PDE10A: variants seen among roughly 807,000 people sequenced by gnomAD.
The protein encoded by PDE10A is cAMP and cAMP-inhibited cGMP 3',5'-cyclic phosphodiesterase 10A.
A neutral mutation model predicts 97.7 loss-of-function variants in PDE10A; 39 were observed. The observed-to-expected ratio is 0.40, with a 90% CI of 0.31 to 0.52. The LOEUF (loss-of-function observed/expected upper bound fraction) is 0.52, where lower values mean the gene tolerates loss of function less well. PDE10A is among the 20% of genes least tolerant of loss of function. The probability of loss-of-function intolerance (pLI) is 0.56; values close to 1 mark genes in which losing one functional copy is unlikely to be tolerated. For missense variants in PDE10A, 731 were observed against 1,047.8 expected (o/e 0.70, Z 4.17); for synonymous variants, 371 against 376.8 (o/e 0.98, Z 0.18).
intron 1 of PDE10A, among the ~76,000 whole-genome samples, chr6:165,619,394 G>A (rs867850222): frequency 2.5e-4 from 9 of 36,468 alleles, no homozygotes; most frequent in South Asian, 7.8e-4. Context: ...CTAGTATAGT[G>A]TAGTGTAGTG....
intron 1 of PDE10A, among the ~76,000 whole-genome samples, chr6:165,848,016 T>G (rs1016667189): frequency 5.3e-5 from 8 of 152,004 alleles, no homozygotes; most frequent in Admixed American, 2.0e-4. Context: ...TCTGTTTATT[T>G]ATCCCATGGC....
At chr6:165,394,571 G>T (rs1562418136) in intron 15 of PDE10A, among the ~76,000 whole-genome samples, 1 of 152,160 alleles carries the variant, frequency 6.6e-6, no homozygotes, top group East Asian at 1.9e-4. Context: ...ATAATCCTTT[G>T]GGTATATACC....
At position 165,819,227 on chromosome 6, in the gene PDE10A, G is replaced by T. The variant is rs1779499582; in HGVS notation, c.-615+168302C>A. On this transcript the variant is annotated intron_variant, in intron 1 of 19. Transcript: ENST00000366882. This position sits in a 1 kb window ranked among gnomAD's most constrained non-coding sequence, Gnocchi z 4.2. Reference sequence around the variant, plus strand: ...CTGCACTTCCAGCATCCTGAGCCCAGTCAGCACACGTTGGGATGATTTTTG... The same window carrying T: ...CTGCACTTCCAGCATCCTGAGCCCATTCAGCACACGTTGGGATGATTTTTG... Among the ~76,000 whole-genome samples, 3 of 152,246 alleles carry T rather than the reference G, an allele frequency of 2.0e-5. No homozygotes were observed. In the South Asian group the frequency reaches 6.2e-4, roughly 32 times the overall value.
intron 1 of PDE10A, among the ~76,000 whole-genome samples, chr6:165,923,963 T>A (rs1447837517): frequency 6.6e-6 from 1 of 152,200 alleles, no homozygotes; most frequent in Non-Finnish European, 1.5e-5. Flanking sequence ...GGAGGATTGC[T>A]GGAGGCCAGG....
intron 1 of PDE10A, among the ~76,000 whole-genome samples, chr6:165,975,833 C>T (rs1784830243): frequency 6.6e-6 from 1 of 152,140 alleles, no homozygotes; most frequent in Non-Finnish European, 1.5e-5. Context: ...ATGGATTTTC[C>T]TTTTTAAGTT....
chr6:165,973,660 C>G (rs13214778), intron 1 of PDE10A, among the ~76,000 whole-genome samples: 9 of 152,126 alleles, frequency 5.9e-5, no homozygotes, highest in Non-Finnish European at 1.3e-4. Context: ...AGGGAAGAGG[C>G]AGACAGATGA....
In PDE10A at chr6:165,927,846, G is replaced by A. The variant is rs150989290; in HGVS notation, c.-615+59683C>T. Among the ~76,000 whole-genome samples, 887 of 149,484 alleles carry A rather than the reference G, an allele frequency of 5.9e-3. 6 individuals carry two copies. Among genetic ancestry groups the A allele is most frequent in the Non-Finnish European group, 9.0e-3 (609 of 67,408 alleles). On this transcript the variant is annotated intron_variant, in intron 1 of 19. Coordinates refer to the PDE10A transcript ENST00000366882. ...CAAGTATCTGGGACTATAGGTGTGC[G>A]CCACCATGCCCAGCTAATTTTTAAA...
chr6:165,839,645 C>T (rs773143078), intron 1 of PDE10A, among the ~76,000 whole-genome samples: 1 of 151,972 alleles, frequency 6.6e-6, no homozygotes, highest in East Asian at 1.9e-4. Flanking sequence ...TTGCTCCATC[C>T]TCATCACTGC....
intron 2 of PDE10A, among the ~76,000 whole-genome samples, chr6:165,519,392 G>T (rs956209143): frequency 1.3e-5 from 2 of 151,266 alleles, no homozygotes; most frequent in African/African-American, 4.9e-5. Flanking sequence ...TTAAACAAAC[G>T]AACAAATACC....
chr6:165,511,736 C>T (rs1159187372), intron 2 of PDE10A, among the ~76,000 whole-genome samples: 1 of 152,004 alleles, frequency 6.6e-6, no homozygotes, highest in Non-Finnish European at 1.5e-5. Context: ...ATTATATCCT[C>T]TTGAAGAATT....
chr6:165,721,194 G>T (rs1792160129), intron 1 of PDE10A, among the ~76,000 whole-genome samples: 1 of 152,204 alleles, frequency 6.6e-6, no homozygotes, highest in Non-Finnish European at 1.5e-5. Flanking sequence ...AGGCCACGGG[G>T]TGTGGCACAG....
intron 1 of PDE10A, among the ~76,000 whole-genome samples, chr6:165,702,791 G>A (rs955903847): frequency 1.3e-5 from 2 of 152,152 alleles, no homozygotes; most frequent in Admixed American, 6.5e-5. Flanking sequence ...CAGTTCCCAT[G>A]GTGCACTGCA....
rs762355147 is a variant in PDE10A, at chr6:165,435,356, G to A, written c.1216C>T (p.Pro406Ser). 1.2e-5 allele frequency: 19 copies of A among 1,613,868 alleles called. No homozygotes were observed. The highest frequency in any genetic ancestry group is 2.7e-5 in the African/African-American group (2 of 74,884). The change falls in exon 6 of 22, where the codon CCT becomes TCT. Residue 406 changes from proline to serine, a missense_variant. Physicochemically the swap from Pro to Ser is moderately conservative, Grantham distance 74. Transcript: ENST00000539869. ...CGGGGTTTTCCTTCCTTTATCCCAG[G>A]TGGCGTGAATATACACAGGCTCTAG... ...CNNSLCIFTP[P>S]GIKEGKPRLI...
At chr6:165,482,179 G>A in intron 3 of PDE10A, 136 bp downstream of exon 3, 2 of 720,936 alleles carry the variant, frequency 2.8e-6, no homozygotes, top group Non-Finnish European at 5.1e-6. Context: ...CCATATTAAT[G>A]AGTGATACTT....
At chr6:165,825,207 G>A (rs1399606771) in intron 1 of PDE10A, among the ~76,000 whole-genome samples, 2 of 151,836 alleles carry the variant, frequency 1.3e-5, no homozygotes, top group African/African-American at 4.8e-5. Context: ...AAAGGGTTTG[G>A]GGTGAGCTCC....
intron 13 of PDE10A, among the ~76,000 whole-genome samples, chr6:165,405,076 G>C (rs1244992844): frequency 7.8e-6 from 1 of 128,878 alleles, no homozygotes; most frequent in Non-Finnish European, 1.7e-5. Context: ...GAAAGCACTG[G>C]GAACAAATTA....
chr6:165,492,681 G>C (rs524367), intron 2 of PDE10A, among the ~76,000 whole-genome samples: 1 of 151,836 alleles, frequency 6.6e-6, no homozygotes, highest in African/African-American at 2.4e-5. Flanking sequence ...GGCATAAAAG[G>C]GACATACCTT....
intron 1 of PDE10A, among the ~76,000 whole-genome samples, chr6:165,943,176 AAAGAAAGAAAGAAAG>A (rs1460644936): frequency 5.4e-5 from 3 of 55,636 alleles, no homozygotes; most frequent in South Asian, 8.6e-4. Flanking sequence ...AAGAAAGAAA[AAAGAAAGAAAGAAAG>A]AAAGAAAGAA....
intron 1 of PDE10A, among the ~76,000 whole-genome samples, chr6:165,981,183 G>C (rs1174174729): frequency 6.6e-6 from 1 of 152,066 alleles, no homozygotes; most frequent in Non-Finnish European, 1.5e-5. Flanking sequence ...AGATCAAAAG[G>C]TGCTCTACAT....
Sources: allele counts gnomAD v4.1 joint callset (sites outside exome capture counted in the v4.1 genomes callset), GRCh38; gene constraint gnomAD v4.1.1; non-coding constraint Gnocchi (gnomAD v3.1); transcripts MANE v1.5; gene names NCBI Gene and HGNC (gene_info 2026-07-23, HGNC 2026-07-21).